CLEC2L: variants seen among roughly 807,000 people sequenced by gnomAD.
CLEC2L encodes C-type lectin domain family 2 member L, also known as C-type lectin domain family 2, member L.
Under a neutral mutation model 23.6 loss-of-function variants are expected in CLEC2L, and 14 were observed. The observed-to-expected ratio is 0.59, with a 90% CI of 0.39 to 0.93. The LOEUF (loss-of-function observed/expected upper bound fraction) is 0.93, where lower values mean the gene tolerates loss of function less well. Ranked by LOEUF, CLEC2L falls within the 40% of genes least tolerant of loss-of-function variation. The pLI is 0.00. For synonymous variants in CLEC2L, 114 were observed against 121.3 expected, an observed-to-expected ratio of 0.94 and a Z score of 0.40; for missense variants, 264 against 282.4, an observed-to-expected ratio of 0.93 and a Z score of 0.47.
At chr7:139,541,855 C>G (rs541931322) in intron 3 of CLEC2L, among the ~76,000 whole-genome samples, 166 bp from the exon 4 acceptor site, 11 of 152,334 alleles carry the variant, frequency 7.2e-5, no homozygotes, top group Middle Eastern at 3.4e-3. Flanking sequence ...GCAGAGGATC[C>G]TGTAACCTAG....
intron 1 of CLEC2L, among the ~76,000 whole-genome samples, chr7:139,531,909 CA>C (rs11289572): frequency 0.061 from 8,115 of 132,204 alleles, 712 homozygotes; most frequent in African/African-American, 0.21. Context: ...GACTCTGTCT[CA>C]AAAAAAAAAA....
rs552906335 is a variant in CLEC2L at position 139,543,458 on chromosome 7, G to A, written c.534-773G>A. Among the ~76,000 whole-genome samples the A allele has an allele frequency of 2.6e-5, 4 of 152,314 alleles. No individual in the cohort carries two copies. The South Asian group carries it at 6.2e-4, about 24-fold the overall frequency. ...AGACACTGCAGAGGTCCTTTCCCTT[G>A]CACTCCTTCTTGGGGTCCTTCCAAT... On this transcript the variant is annotated intron_variant, in intron 4 of 4. Transcript: ENST00000422142.
intron 2 of CLEC2L, among the ~76,000 whole-genome samples, chr7:139,538,022 A>AT (rs1471721150): frequency 6.6e-6 from 1 of 152,240 alleles, no homozygotes; most frequent in Non-Finnish European, 1.5e-5. Context: ...GAGAAATGCC[A>AT]TAAGACCAGA....
chr7:139,538,438 A>AAAC (rs1217956609), intron 2 of CLEC2L, among the ~76,000 whole-genome samples: 4 of 147,482 alleles, frequency 2.7e-5, no homozygotes, highest in African/African-American at 1.0e-4. Context: ...CTCAAAAAAA[A>AAAC]AAAAACAAAA....
In CLEC2L at chr7:139,540,609, C is replaced by T; in HGVS notation, c.432+122C>T. ...CCCTGTGACACGTCTCCAAAGCCGC[C>T]CACCTGCTGCATAACCACTTGGGGT... is the stretch of plus-strand genomic sequence containing the variant. On this transcript the variant is annotated intron_variant, in intron 3 of 4. Coordinates refer to ENST00000422142, the MANE Select transcript of CLEC2L (RefSeq NM_001080511.4). The surrounding 1 kb of genome is among the most constrained non-coding windows in gnomAD (Gnocchi z 5.8). The T allele has an allele frequency of 1.8e-6, 2 of 1,139,282 alleles. No individual in the cohort carries two copies. The highest frequency in any genetic ancestry group is 2.5e-6 in the Non-Finnish European group (2 of 787,862). 70.6% of individuals were successfully genotyped at this position (1,139,282 alleles called of 1,614,324 possible). A position where few individuals can be genotyped will look rare whatever the true frequency, so the allele number is the denominator to read the frequency against.
chr7:139,523,887 C>G lies in CLEC2L; in HGVS notation c.-41C>G, dbSNP rs1315803430. On this transcript the variant is annotated 5_prime_UTR_variant, in exon 1 of 5. Transcript: ENST00000422142. This position sits in a 1 kb window ranked among gnomAD's most constrained non-coding sequence, Gnocchi z 4.1. ...TGCGCGTCGGGCTGGGCCCCGCACCCCGGTGCAGGAGCGCGGGCGCGGCGC... is the reference window on the plus strand; with the variant it reads ...TGCGCGTCGGGCTGGGCCCCGCACCGCGGTGCAGGAGCGCGGGCGCGGCGC... The G allele has an allele frequency of 2.0e-6, 2 of 977,578 alleles. No homozygotes were observed. Among genetic ancestry groups the G allele is most frequent in the African/African-American group, 3.5e-5 (2 of 56,614 alleles). The allele number at this position is 977,578 out of a possible 1,614,324, so 60.6% of individuals were successfully genotyped here.
In CLEC2L at chr7:139,523,914, G is replaced by C; in HGVS notation, c.-14G>C. ...GGTGCAGGAGCGCGGGCGCGGCGCG[G>C]CGGAGCGCCCCGCATGGAGCCGGCC... On this transcript the variant is annotated 5_prime_UTR_variant, in exon 1 of 5. Transcript: ENST00000422142. This position sits in a 1 kb window ranked among gnomAD's most constrained non-coding sequence, Gnocchi z 4.1. 2.0e-6 allele frequency: 2 copies of C among 977,790 alleles called. No individual in the cohort carries two copies. Among genetic ancestry groups the C allele is most frequent in the Non-Finnish European group, 2.4e-6 (2 of 826,402 alleles). 60.6% of individuals were successfully genotyped at this position (977,790 alleles called of 1,614,324 possible).
intron 1 of CLEC2L, among the ~76,000 whole-genome samples, chr7:139,530,106 C>T (rs1241010686): frequency 6.6e-6 from 1 of 151,110 alleles, no homozygotes; most frequent in Non-Finnish European, 1.5e-5. Flanking sequence ...ATTGCTTGAA[C>T]CTGGGAGGCG....
At position 139,540,449 on chromosome 7, in the gene CLEC2L, G is replaced by A. The variant is rs183622813; in HGVS notation, c.394G>A (p.Glu132Lys). 1.7e-5 allele frequency: 27 copies of A among 1,602,088 alleles called. No homozygotes were observed. In the African/African-American group the frequency reaches 3.5e-4, roughly 21 times the overall value. Residue 132 changes from glutamate (E) to lysine (K), a missense_variant, in exon 3 of 5, where the codon GAG becomes AAG. Transcript: ENST00000422142. The surrounding 1 kb of genome is among the most constrained non-coding windows in gnomAD (Gnocchi z 5.8). ...NTGRQYCHTH[E>K]AVLAVIQSQK... Reference sequence around the variant, plus strand: ...AGGCAGGCAGTACTGCCACACCCACGAGGCGGTGCTGGCTGTGATTCAGAG... The same window carrying A: ...AGGCAGGCAGTACTGCCACACCCACAAGGCGGTGCTGGCTGTGATTCAGAG...
In CLEC2L at chr7:139,527,187, G is replaced by C. The variant is rs544332817; in HGVS notation, c.190+3070G>C. 2.0e-5 allele frequency among the ~76,000 whole-genome samples: 3 copies of C among 152,294 alleles called. No homozygotes were observed. In the East Asian group the frequency reaches 5.8e-4, roughly 30 times the overall value. On this transcript the variant is annotated intron_variant, in intron 1 of 4. Coordinates refer to ENST00000422142, the MANE Select transcript of CLEC2L (RefSeq NM_001080511.4). ...TGAGTGTTCTGTTTCATAGATGAGG[G>C]AGCCGAGACTGAGAGCCTGAGTGTC...
At chr7:139,526,190 C>CT (rs1585195963) in intron 1 of CLEC2L, among the ~76,000 whole-genome samples, 1 of 152,078 alleles carries the variant, frequency 6.6e-6, no homozygotes, top group East Asian at 1.9e-4. Flanking sequence ...TTCTTGGGTG[C>CT]CCCCAAGCTC....
chr7:139,541,257 C>T lies in CLEC2L; in HGVS notation c.433-764C>T, dbSNP rs10247401. Among the ~76,000 whole-genome samples, 338 of 152,194 alleles carry T rather than the reference C, an allele frequency of 2.2e-3. 3 individuals carry two copies. Among genetic ancestry groups the T allele is most frequent in the African/African-American group, 7.7e-3 (319 of 41,520 alleles). ...CTCCTGGCTTCAAGTGATCCACCCG[C>T]CTAGGCCTCCCAAAGTGCTGGTATT... On this transcript the variant is annotated intron_variant, in intron 3 of 4. Transcript: ENST00000422142.
At chr7:139,543,778 T>A (rs1797769647) in intron 4 of CLEC2L, among the ~76,000 whole-genome samples, 1 of 152,152 alleles carries the variant, frequency 6.6e-6, no homozygotes, top group Non-Finnish European at 1.5e-5. Context: ...GGAGCCAAGA[T>A]GAGAGCGCAC....
In CLEC2L at chr7:139,540,286, G is replaced by A. The variant is rs114543142; in HGVS notation, c.266-35G>A. 6.3e-7 allele frequency: 1 copy of A among 1,575,458 alleles called. No homozygotes were observed. The highest frequency in any genetic ancestry group is 8.6e-7 in the Non-Finnish European group (1 of 1,159,222). ...AAGCAGAGTGGGACTCGGGCTGGGG[G>A]GGCGGGCAGGGCCGAGCTGGTCTCT... On this transcript the variant is annotated intron_variant, in intron 2 of 4. Coordinates refer to ENST00000422142, the MANE Select transcript of CLEC2L (RefSeq NM_001080511.4). The surrounding 1 kb of genome is among the most constrained non-coding windows in gnomAD (Gnocchi z 5.8).
chr7:139,533,512 C>T (rs1014931983), intron 1 of CLEC2L, among the ~76,000 whole-genome samples: 1 of 152,186 alleles, frequency 6.6e-6, no homozygotes, highest in African/African-American at 2.4e-5. Flanking sequence ...CACACCACCA[C>T]ACCCGGTTAA....
Position 139,536,351 on chromosome 7 carries a change from G to A in CLEC2L, c.265+3G>A, listed in dbSNP as rs779552085. ...CTTGGTGGTGATGAGCATCTTGGGT[G>A]AGCATGCGTGTCAGAGCATTTATGC... On this transcript the variant is annotated splice_donor_region_variant and intron_variant, in intron 2 of 4. Transcript: ENST00000422142. 1 of 1,551,100 alleles carries A rather than the reference G, an allele frequency of 6.4e-7. No individual in the cohort carries two copies.
intron 1 of CLEC2L, among the ~76,000 whole-genome samples, chr7:139,525,177 T>A (rs545241915): frequency 6.6e-6 from 1 of 151,364 alleles, no homozygotes; most frequent in East Asian, 1.9e-4. Context: ...CTGAAGGGGC[T>A]ACTGAGGGGT....
intron 1 of CLEC2L, among the ~76,000 whole-genome samples, chr7:139,530,419 CAGG>C (rs890852863): frequency 7.9e-5 from 12 of 152,114 alleles, no homozygotes; most frequent in Admixed American, 2.0e-4. Flanking sequence ...GGGCTGAGAA[CAGG>C]AGGACTGGTT....
At chr7:139,541,922 C>T in intron 3 of CLEC2L, 99 bp from the exon 4 acceptor site, 1 of 797,990 alleles carries the variant, frequency 1.3e-6, no homozygotes, top group South Asian at 1.5e-5. Flanking sequence ...TCTGTACATC[C>T]CGAGAGCCAG....
Sources: gnomAD v4.1 joint callset for allele counts (sites outside exome capture counted in the v4.1 genomes callset) on GRCh38, gnomAD v4.1.1 for gene constraint, Gnocchi (gnomAD v3.1) non-coding constraint, MANE v1.5 for transcripts, NCBI Gene and HGNC (gene_info 2026-07-23, HGNC 2026-07-21) for gene names.